The following DPP10 variants were observed in gnomAD, a reference collection of about 807,000 sequenced individuals.
DPP10 encodes inactive dipeptidyl peptidase 10.
In DPP10, 33 loss-of-function variants were observed where a neutral mutation model predicts 120.9. That is an observed-to-expected ratio of 0.27 (90% CI 0.21 to 0.37). The LOEUF (loss-of-function observed/expected upper bound fraction) is 0.37, where lower values mean the gene tolerates loss of function less well. Ranked by LOEUF, DPP10 falls within the 10% of genes least tolerant of loss-of-function variation. The pLI, the probability that DPP10 is intolerant of heterozygous loss-of-function variation, is 1.00. For missense variants in DPP10, 816 were observed against 942.8 expected (o/e 0.87, Z 1.76); for synonymous variants, 337 against 326.1 (o/e 1.03, Z -0.36).
chr2:115,566,174 G>C (rs182740543), intron 5 of DPP10, among the ~76,000 whole-genome samples: 1 of 152,048 alleles, frequency 6.6e-6, no homozygotes, highest in African/African-American at 2.4e-5. Context: ...AATGTCTAGG[G>C]GTTCCATTAA....
chr2:115,552,059 A>G (rs2079908565), intron 5 of DPP10, among the ~76,000 whole-genome samples: 1 of 152,084 alleles, frequency 6.6e-6, no homozygotes, highest in African/African-American at 2.4e-5. Flanking sequence ...TTCCAAGCAA[A>G]AGAGTAGATT....
intron 1 of DPP10, among the ~76,000 whole-genome samples, chr2:115,270,881 T>A (rs1559344126): frequency 6.9e-6 from 1 of 144,300 alleles, no homozygotes; most frequent in Non-Finnish European, 1.5e-5. Context: ...TATTTGTTCT[T>A]TATATTGTTT....
intron 3 of DPP10, among the ~76,000 whole-genome samples, chr2:115,473,403 A>G (rs1215425474): frequency 6.6e-6 from 1 of 152,186 alleles, no homozygotes; most frequent in Non-Finnish European, 1.5e-5. Flanking sequence ...CCTAAATGAA[A>G]GAAGATTCCC....
At chr2:115,209,553 T>C (rs533063786) in intron 1 of DPP10, among the ~76,000 whole-genome samples, 1 of 152,358 alleles carries the variant, frequency 6.6e-6, no homozygotes, top group South Asian at 2.1e-4. Flanking sequence ...TTTGCATTTC[T>C]ATTATTTCTT....
chr2:115,544,901 A>G (rs1575142826), intron 5 of DPP10, among the ~76,000 whole-genome samples: 2 of 152,106 alleles, frequency 1.3e-5, no homozygotes, highest in East Asian at 3.9e-4. Context: ...TAAATACAGA[A>G]AAGAGGCTGT....
rs925756227 is a variant in DPP10, at chr2:114,586,951, A to G, written c.60+144113A>G. Among the ~76,000 whole-genome samples, 7 of 152,186 alleles carry G rather than the reference A, an allele frequency of 4.6e-5. 1 individual carries two copies. The highest frequency in any genetic ancestry group is 4.6e-4 in the Admixed American group (7 of 15,284). On this transcript the variant is annotated intron_variant, in intron 1 of 25. Transcript: ENST00000410059. ...TCTCCAGAAGCAGATGCTGGTAACC[A>G]TGCTTCTTGTATGGCCTGCAAAACC...
intron 3 of DPP10, among the ~76,000 whole-genome samples, chr2:115,423,755 T>C (rs376194713): frequency 3.3e-5 from 5 of 152,188 alleles, no homozygotes; most frequent in Admixed American, 2.0e-4. Flanking sequence ...CTGATACTAA[T>C]TGAAACACAG....
intron 1 of DPP10, among the ~76,000 whole-genome samples, chr2:114,800,384 G>A (rs776858376): frequency 6.6e-6 from 1 of 152,072 alleles, no homozygotes; most frequent in Admixed American, 6.6e-5. Context: ...TATTTTTCTA[G>A]AACACTGATT....
chr2:115,578,097 C>T (rs926580811), intron 5 of DPP10, among the ~76,000 whole-genome samples: 3 of 152,182 alleles, frequency 2.0e-5, no homozygotes, highest in Non-Finnish European at 2.9e-5. Flanking sequence ...AAAGTCACCA[C>T]TTCTCAGAAA....
chr2:115,009,263 G>T (rs1355064149), intron 1 of DPP10, among the ~76,000 whole-genome samples: 1 of 151,670 alleles, frequency 6.6e-6, no homozygotes, highest in African/African-American at 2.4e-5. Flanking sequence ...AAAACGATGA[G>T]TTCATGTCCT....
intron 1 of DPP10, among the ~76,000 whole-genome samples, chr2:115,147,195 T>C (rs2051274175): frequency 1.3e-5 from 2 of 151,480 alleles, no homozygotes; most frequent in East Asian, 1.9e-4. Context: ...ATATATAGTA[T>C]TGTATATATG....
chr2:114,751,589 G>T (rs1163507713), intron 1 of DPP10, among the ~76,000 whole-genome samples: 2 of 152,206 alleles, frequency 1.3e-5, no homozygotes, highest in African/African-American at 4.8e-5. Context: ...TAAGTCCCTA[G>T]TGATGGTCCA....
chr2:114,869,400 T>C (rs936886339), intron 1 of DPP10, among the ~76,000 whole-genome samples: 1 of 152,204 alleles, frequency 6.6e-6, no homozygotes, highest in Non-Finnish European at 1.5e-5. Flanking sequence ...CAACAAGTTA[T>C]ATGAAGTGGA....
chr2:115,468,399 C>T, intron 3 of DPP10: 1 of 492,912 alleles, frequency 2.0e-6, no homozygotes, highest in Non-Finnish European at 4.0e-6. Context: ...GGCAGCCTTT[C>T]AGGAGCCACA....
chr2:115,695,532 A>G (rs1357616507), intron 7 of DPP10, among the ~76,000 whole-genome samples: 2 of 152,128 alleles, frequency 1.3e-5, no homozygotes, highest in Non-Finnish European at 2.9e-5. Flanking sequence ...TCCCCTTTAT[A>G]AAACCATCAG....
chr2:115,349,321 C>T (rs2063873278), intron 3 of DPP10, among the ~76,000 whole-genome samples: 1 of 152,052 alleles, frequency 6.6e-6, no homozygotes, highest in African/African-American at 2.4e-5. Flanking sequence ...AAGCCATGGC[C>T]TTTCAGCAAG....
At chr2:114,716,041 A>G (rs1010233219) in intron 1 of DPP10, among the ~76,000 whole-genome samples, 1 of 151,906 alleles carries the variant, frequency 6.6e-6, no homozygotes, top group African/African-American at 2.4e-5. Flanking sequence ...TCTAAAGGAA[A>G]TGATTGTCTT....
At chr2:115,611,692 A>G (rs562389175) in intron 5 of DPP10, among the ~76,000 whole-genome samples, 2 of 152,284 alleles carry the variant, frequency 1.3e-5, no homozygotes, top group African/African-American at 4.8e-5. Context: ...CTGAAGCCAT[A>G]TCATGATGGG....
intron 19 of DPP10, among the ~76,000 whole-genome samples, chr2:115,792,665 A>G (rs1406166151): frequency 6.6e-6 from 1 of 151,416 alleles, no homozygotes; most frequent in Non-Finnish European, 1.5e-5. Flanking sequence ...CTTCTGGTCT[A>G]TTTTAACTGT....
Sources: allele counts gnomAD v4.1 joint callset (sites outside exome capture counted in the v4.1 genomes callset), GRCh38; gene constraint gnomAD v4.1.1; transcripts MANE v1.5; gene names NCBI Gene and HGNC (gene_info 2026-07-23, HGNC 2026-07-21).